The following SEC23A variants were observed in gnomAD, a reference collection of about 807,000 sequenced individuals.
The protein encoded by SEC23A is protein transport protein Sec23A.
Under a neutral mutation model 103.7 loss-of-function variants are expected in SEC23A, and 56 were observed. That is an observed-to-expected ratio of 0.54 (90% CI 0.44 to 0.67). The LOEUF (loss-of-function observed/expected upper bound fraction) is 0.67, where lower values mean the gene tolerates loss of function less well. Ranked by LOEUF, SEC23A falls within the 30% of genes least tolerant of loss-of-function variation. The probability of loss-of-function intolerance (pLI) is 0.00; values close to 1 mark genes in which losing one functional copy is unlikely to be tolerated. For synonymous variants in SEC23A, 281 were observed against 293.0 expected, an observed-to-expected ratio of 0.96 and a Z score of 0.42; for missense variants, 784 against 936.4, an observed-to-expected ratio of 0.84 and a Z score of 2.12.
At chr14:39,098,223 A>T (rs907438366) in intron 1 of SEC23A, among the ~76,000 whole-genome samples, 1 of 152,176 alleles carries the variant, frequency 6.6e-6, no homozygotes, top group African/African-American at 2.4e-5. Context: ...GAGTTAGAAG[A>T]TGTCAAACTC....
intron 12 of SEC23A, among the ~76,000 whole-genome samples, chr14:39,062,898 T>G (rs991638052): frequency 1.3e-5 from 2 of 152,166 alleles, no homozygotes; most frequent in Non-Finnish European, 2.9e-5. Flanking sequence ...TTTCCAAACT[T>G]TTTCTATGGA....
intron 5 of SEC23A, chr14:39,091,048 AAAG>A: frequency 2.5e-6 from 1 of 407,036 alleles, no homozygotes; most frequent in Non-Finnish European, 4.6e-6. Context: ...GGAAACAAAG[AAAG>A]AAGAACCTGA....
intron 11 of SEC23A, 87 bp from the exon 12 acceptor site, chr14:39,063,500 G>C: frequency 1.4e-6 from 1 of 732,870 alleles, no homozygotes; most frequent in Non-Finnish European, 2.2e-6. Flanking sequence ...AAGACCACAG[G>C]AAAAAAAAAA....
intron 7 of SEC23A, among the ~76,000 whole-genome samples, chr14:39,080,136 A>G (rs992004227): frequency 2.6e-5 from 4 of 151,928 alleles, no homozygotes; most frequent in Admixed American, 6.6e-5. Flanking sequence ...AACTGGAGGG[A>G]AAAAAAAGCC....
Position 39,095,933 on chromosome 14 carries a change from A to G in SEC23A, c.186T>C (p.Ser62=). 1.2e-6 allele frequency: 2 copies of G among 1,614,110 alleles called. No individual in the cohort carries two copies. Among genetic ancestry groups the G allele is most frequent in the Middle Eastern group, 1.6e-4 (1 of 6,062 alleles). The change falls in exon 2 of 20, where the codon AGT becomes AGC. Residue 62 remains serine (S), a synonymous_variant. Transcript: ENST00000307712. ...PPIQYEPVLC[S]RTTCRAVLNP... ...TCAAAACTGCACGGCAAGTGGTCCT[A>G]CTACACAGAACAGGTTCATATTGAA...
At chr14:39,039,230 A>T in intron 18 of SEC23A, 134 bp from the exon 19 acceptor site, 1 of 752,370 alleles carries the variant, frequency 1.3e-6, no homozygotes, top group Non-Finnish European at 2.2e-6. Flanking sequence ...TTAATTTTTA[A>T]AAGATTAAAC....
chr14:39,034,901 C>T lies in SEC23A; in HGVS notation c.2209-1573G>A, dbSNP rs183854940. Among the ~76,000 whole-genome samples, 20 of 152,232 alleles carry T rather than the reference C, an allele frequency of 1.3e-4. No individual in the cohort carries two copies. In the East Asian group the frequency reaches 3.7e-3, roughly 28 times the overall value. ...TGTTGCAGTGGTGCCCTCTTACGGC[C>T]GTTCATGGATAATACTTATCATAGG... is the stretch of plus-strand genomic sequence containing the variant. On this transcript the variant is annotated intron_variant, in intron 19 of 19. Coordinates refer to ENST00000307712, the MANE Select transcript of SEC23A (RefSeq NM_006364.4).
chr14:39,065,112 A>G, intron 10 of SEC23A, 119 bp from the exon 11 acceptor site: 1 of 728,394 alleles, frequency 1.4e-6, no homozygotes, highest in Non-Finnish European at 2.5e-6. Flanking sequence ...CAATGAAAAT[A>G]TACTAACATG....
At position 39,058,497 on chromosome 14, in the gene SEC23A, C is replaced by T. The variant is rs1012218638; in HGVS notation, c.1506-3201G>A. Among the ~76,000 whole-genome samples, 23 of 152,010 alleles carry T rather than the reference C, an allele frequency of 1.5e-4. 1 individual carries two copies. Among genetic ancestry groups the T allele is most frequent in the Admixed American group, 9.2e-4 (14 of 15,268 alleles). ...TAATTTTTTGTATTTTTAGTAGAGA[C>T]GGGGTTTCACCTTGTTAGCCAGGAT... On this transcript the variant is annotated intron_variant, in intron 13 of 19. Coordinates refer to ENST00000307712, the MANE Select transcript of SEC23A (RefSeq NM_006364.4).
intron 13 of SEC23A, among the ~76,000 whole-genome samples, chr14:39,058,603 G>A (rs879389213): frequency 1.1e-4 from 16 of 152,206 alleles, no homozygotes; most frequent in South Asian, 4.1e-4. Flanking sequence ...CACCGCGCCC[G>A]GCCTTCTTTC....
Position 39,076,037 on chromosome 14 carries a change from A to G in SEC23A, c.885T>C (p.Thr295=), listed in dbSNP as rs1271875465. Residue 295 remains threonine, a synonymous_variant, in exon 8 of 20, where the codon ACT becomes ACC. Coordinates refer to ENST00000307712, the MANE Select transcript of SEC23A (RefSeq NM_006364.4). ...CTCCAACCACCATTCCAGGCCCCTG[A>G]GTAGCAGGACCACCAATGAACATCA... is the stretch of plus-strand genomic sequence containing the variant. ...RIMMFIGGPA[T]QGPGMVVGDE... is the part of the protein sequence containing the mutation. 6.2e-7 allele frequency: 1 copy of G among 1,613,790 alleles called. No individual in the cohort carries two copies. Among genetic ancestry groups the G allele is most frequent in the East Asian group, 2.2e-5 (1 of 44,876 alleles).
intron 15 of SEC23A, among the ~76,000 whole-genome samples, chr14:39,045,888 G>A (rs1293857815): frequency 7.6e-6 from 1 of 131,500 alleles, no homozygotes; most frequent in African/African-American, 2.9e-5. Context: ...TTTTTATATG[G>A]CTGATATGAT....
At chr14:39,037,614 A>C (rs1482909613) in intron 19 of SEC23A, among the ~76,000 whole-genome samples, 1 of 152,190 alleles carries the variant, frequency 6.6e-6, no homozygotes, top group Non-Finnish European at 1.5e-5. Flanking sequence ...ATCTCCTAAG[A>C]TCAAGAAGAA....
intron 14 of SEC23A, among the ~76,000 whole-genome samples, chr14:39,049,969 T>C (rs987629273): frequency 1.3e-5 from 2 of 151,834 alleles, no homozygotes; most frequent in Non-Finnish European, 2.9e-5. Context: ...GGGGTTTCAC[T>C]GTGTTAGCCA....
chr14:39,059,339 G>T (rs1401448697), intron 13 of SEC23A, among the ~76,000 whole-genome samples: 1 of 139,808 alleles, frequency 7.2e-6, no homozygotes, highest in Non-Finnish European at 1.5e-5. Context: ...ATTGGAAATG[G>T]TTGGGATAAG....
At chr14:39,085,728 A>T (rs1887419623) in intron 7 of SEC23A, 34 bp downstream of exon 7, 11 of 1,594,478 alleles carry the variant, frequency 6.9e-6, no homozygotes, top group South Asian at 1.1e-5. Flanking sequence ...ACACACACAC[A>T]CTTTACATTC....
rs1312920346 is a variant in SEC23A, at chr14:39,074,545, C to T, written c.988-15G>A. On this transcript the variant is annotated splice_polypyrimidine_tract_variant and intron_variant, in intron 8 of 19. Coordinates refer to ENST00000307712, the MANE Select transcript of SEC23A (RefSeq NM_006364.4). Reference sequence around the variant, plus strand: ...GCTTCAAAATGCTACAAAAGATTTTCTTAATTAAAATAATATACAAAATTG... The same window carrying T: ...GCTTCAAAATGCTACAAAAGATTTTTTTAATTAAAATAATATACAAAATTG... 1.3e-6 allele frequency: 2 copies of T among 1,515,092 alleles called. No homozygotes were observed. Among genetic ancestry groups the T allele is most frequent in the South Asian group, 1.1e-5 (1 of 88,888 alleles). The allele number at this position is 1,515,092 out of a possible 1,614,324, so 93.9% of individuals were successfully genotyped here.
At chr14:39,058,665 G>A (rs1298532540) in intron 13 of SEC23A, among the ~76,000 whole-genome samples, 1 of 152,218 alleles carries the variant, frequency 6.6e-6, no homozygotes, top group Non-Finnish European at 1.5e-5. Flanking sequence ...ATGTTTCCCA[G>A]ATGGTTGAAA....
chr14:39,038,916 A>C, intron 19 of SEC23A, 115 bp downstream of exon 19: 1 of 911,898 alleles, frequency 1.1e-6, no homozygotes, highest in Non-Finnish European at 1.8e-6. Flanking sequence ...TTTTTACATT[A>C]CTTTTCCAAC....
Sources: allele counts gnomAD v4.1 joint callset (sites outside exome capture counted in the v4.1 genomes callset), GRCh38; gene constraint gnomAD v4.1.1; transcripts MANE v1.5; gene names NCBI Gene and HGNC (gene_info 2026-07-23, HGNC 2026-07-21).